Variants in CELF2 observed in about 807,000 individuals in gnomAD.
The protein encoded by CELF2 is CUGBP Elav-like family member 2.
A neutral mutation model predicts 62.6 loss-of-function variants in CELF2; 8 were observed. The observed-to-expected ratio is 0.13, with a 90% confidence interval of 0.07 to 0.23. The LOEUF (loss-of-function observed/expected upper bound fraction) is 0.23. Ranked by LOEUF, CELF2 falls within the 10% of genes least tolerant of loss-of-function variation. The probability of loss-of-function intolerance (pLI) is 1.00; values close to 1 mark genes in which losing one functional copy is unlikely to be tolerated. For synonymous variants in CELF2, 258 were observed against 250.0 expected, an observed-to-expected ratio of 1.03 and a Z score of -0.30; for missense variants, 333 against 671.0, an observed-to-expected ratio of 0.50 and a Z score of 5.56.
the CELF2 span, among the ~76,000 whole-genome samples, chr10:10,512,401 C>CTTTTTTTTT: frequency 9.2e-6 from 1 of 109,148 alleles, no homozygotes. Context: ...TTTTGGAACG[C>CTTTTTTTTT]TTTTTTTTTT....
the CELF2 span, among the ~76,000 whole-genome samples, chr10:10,616,914 G>A: frequency 1.1e-3 from 165 of 151,834 alleles, 2 homozygotes; most frequent in African/African-American, 3.6e-3. Flanking sequence ...GCACCATTAC[G>A]CCCAGCTAAT....
chr10:10,674,544 G>A, the CELF2 span, among the ~76,000 whole-genome samples: 4 of 152,092 alleles, frequency 2.6e-5, no homozygotes, highest in African/African-American at 7.2e-5. Context: ...TTGGATTGCT[G>A]TCTACCATAT....
At chr10:11,018,909 A>T (rs2057825425) in intron 1 of CELF2, 1 of 152,352 alleles carries the variant, frequency 6.6e-6, no homozygotes, top group South Asian at 2.1e-4. Context: ...GGGGATAATT[A>T]TAAAGCGTGA....
Position 10,987,939 on chromosome 10 carries a change from G to A in CELF2, c.89+67940G>A, listed in dbSNP as rs551418587. On this transcript the variant is annotated intron_variant, in intron 2 of 13. Transcript: ENST00000636488. ...CCACCTTACTCCTGCAAGAATGGCC[G>A]TAATTAAAACGTCAAAAAACAGTAG... 1.2e-4 allele frequency among the ~76,000 whole-genome samples: 17 copies of A among 142,494 alleles called. No homozygotes were observed. The South Asian group carries it at 1.9e-3, about 16-fold the overall frequency. 93.5% of individuals were successfully genotyped at this position (142,494 alleles called of 152,430 possible).
chr10:10,494,048 A>T, the CELF2 span, among the ~76,000 whole-genome samples: 33 of 152,318 alleles, frequency 2.2e-4, no homozygotes, highest in South Asian at 5.2e-3. Context: ...AAAATCTCTG[A>T]GAAGTTTACA....
chr10:10,686,561 G>C, the CELF2 span, among the ~76,000 whole-genome samples: 3 of 151,972 alleles, frequency 2.0e-5, no homozygotes, highest in Non-Finnish European at 4.4e-5. Flanking sequence ...TGAATCATAG[G>C]GTAGTTTCCC....
chr10:11,110,533 G>A lies in CELF2; in HGVS notation c.75-54953G>A, dbSNP rs139340560. 9.1e-4 allele frequency among the ~76,000 whole-genome samples: 139 copies of A among 152,270 alleles called. 1 individual carries two copies. Among genetic ancestry groups the A allele is most frequent in the African/African-American group, 3.1e-3 (130 of 41,538 alleles). Reference sequence around the variant, plus strand: ...GATTGATGAAATACACTAATGCATGGAGTAGAAACAGAGGGGCTTTAATGG... The same window carrying A: ...GATTGATGAAATACACTAATGCATGAAGTAGAAACAGAGGGGCTTTAATGG... On this transcript the variant is annotated intron_variant, in intron 1 of 12. Coordinates refer to ENST00000633077, the MANE Select transcript of CELF2 (RefSeq NM_001326342.2). This position sits in a 1 kb window ranked among gnomAD's most constrained non-coding sequence, Gnocchi z 4.0.
chr10:11,172,699 G>T (rs547901713), intron 2 of CELF2, among the ~76,000 whole-genome samples: 61 of 152,318 alleles, frequency 4.0e-4, no homozygotes, highest in African/African-American at 1.5e-3. Context: ...GGAAGAAGGG[G>T]AAGGAGGGAG....
Position 11,129,047 on chromosome 10 carries a change from G to A in CELF2, c.75-36439G>A, listed in dbSNP as rs571587579. Among the ~76,000 whole-genome samples, 15 of 152,212 alleles carry A rather than the reference G, an allele frequency of 9.9e-5. No individual in the cohort carries two copies. In the South Asian group the frequency reaches 3.1e-3, roughly 32 times the overall value. ...AATAGCTCTTATTATTTTGAGATGT[G>A]TTCCATCAATACCTAGTGTATTGAG... On this transcript the variant is annotated intron_variant, in intron 1 of 12. Coordinates refer to ENST00000633077, the MANE Select transcript of CELF2 (RefSeq NM_001326342.2).
chr10:11,263,575 C>T (rs2081339723), intron 5 of CELF2, among the ~76,000 whole-genome samples: 1 of 152,168 alleles, frequency 6.6e-6, no homozygotes, highest in Admixed American at 6.5e-5. Flanking sequence ...TGTAAAGACC[C>T]AGTGAACACC....
chr10:10,677,820 G>C, the CELF2 span, among the ~76,000 whole-genome samples: 153 of 152,322 alleles, frequency 1.0e-3, no homozygotes, highest in South Asian at 3.5e-3. Context: ...GGGTCAATTT[G>C]ATTGAGTTGC....
intron 1 of CELF2, among the ~76,000 whole-genome samples, chr10:11,108,301 A>G (rs1009252499): frequency 6.6e-6 from 1 of 150,790 alleles, no homozygotes; most frequent in African/African-American, 2.4e-5. Flanking sequence ...ACTTGCATGA[A>G]TTAGTTTTAT....
At chr10:11,188,305 A>C (rs982878793) in intron 2 of CELF2, among the ~76,000 whole-genome samples, 1 of 152,172 alleles carries the variant, frequency 6.6e-6, no homozygotes, top group African/African-American at 2.4e-5. Context: ...GGGTTTCTCC[A>C]TGTTAGTCAG....
the CELF2 span, among the ~76,000 whole-genome samples, chr10:10,579,545 A>G: frequency 6.6e-6 from 1 of 152,110 alleles, no homozygotes; most frequent in Non-Finnish European, 1.5e-5. Flanking sequence ...TGGAGTTAGG[A>G]TGTAGATAGA....
chr10:11,197,032 A>AGAAAGAAAGAAGGAAAGAAG lies in CELF2; in HGVS notation c.272-20382_272-20381insGGAAAGAAGGAAAGAAAGAA, dbSNP rs1565231452. On this transcript the variant is annotated intron_variant, in intron 2 of 12. Transcript: ENST00000633077. The stretch of plus-strand genomic sequence containing the variant: ...AGAAAGAAAGAAAGAAAGAAAAGAA[A>AGAAAGAAAGAAGGAAAGAAG]GAAAGAAAGAAAGAAAGAAAGAAAG... Among the ~76,000 whole-genome samples the AGAAAGAAAGAAGGAAAGAAG allele has an allele frequency of 1.4e-3, 22 of 15,616 alleles. 2 individuals are homozygous for AGAAAGAAAGAAGGAAAGAAG. Among genetic ancestry groups the AGAAAGAAAGAAGGAAAGAAG allele is most frequent in the African/African-American group, 9.7e-3 (22 of 2,264 alleles). 10.2% of individuals were successfully genotyped at this position (15,616 alleles called of 152,430 possible). A position where few individuals can be genotyped will look rare whatever the true frequency, so the allele number is the denominator to read the frequency against.
chr10:10,974,814 T>G (rs1380473287), intron 2 of CELF2, among the ~76,000 whole-genome samples: 2 of 152,228 alleles, frequency 1.3e-5, no homozygotes, highest in African/African-American at 4.8e-5. Context: ...GAACCAAGAC[T>G]GAAATTAATT....
Position 11,039,587 on chromosome 10 carries a change from G to T in CELF2, c.74+21424G>T, listed in dbSNP as rs570798401. 6.6e-6 allele frequency among the ~76,000 whole-genome samples: 1 copy of T among 152,144 alleles called. No individual in the cohort carries two copies. Among genetic ancestry groups the T allele is most frequent in the South Asian group, 2.1e-4 (1 of 4,820 alleles). ...ACATCTTATTTTGTAAGCTTTACAC[G>T]CTTCTAATGCATGTTACTGAAAACA... On this transcript the variant is annotated intron_variant, in intron 1 of 12. Coordinates refer to ENST00000633077, the MANE Select transcript of CELF2 (RefSeq NM_001326342.2). The surrounding 1 kb of genome is among the most constrained non-coding windows in gnomAD (Gnocchi z 4.1).
chr10:11,153,548 A>G (rs1385972286), intron 1 of CELF2, among the ~76,000 whole-genome samples: 2 of 152,208 alleles, frequency 1.3e-5, no homozygotes, highest in Non-Finnish European at 2.9e-5. Context: ...TGTGTGTAGG[A>G]GTAACTCTCT....
intron 2 of CELF2, among the ~76,000 whole-genome samples, chr10:11,170,577 A>G (rs1418641970): frequency 1.3e-5 from 2 of 151,952 alleles, no homozygotes; most frequent in African/African-American, 4.8e-5. Flanking sequence ...AAGGCATCGT[A>G]GAAGGCCAGG....
Sources: gnomAD v4.1 joint callset for allele counts (sites outside exome capture counted in the v4.1 genomes callset) on GRCh38, gnomAD v4.1.1 for gene constraint, Gnocchi (gnomAD v3.1) non-coding constraint, MANE v1.5 for transcripts, NCBI Gene and HGNC (gene_info 2026-07-23, HGNC 2026-07-21) for gene names.